The following CCDC32 variants were observed in gnomAD, a reference collection of about 807,000 sequenced individuals.
CCDC32 encodes coiled-coil domain-containing protein 32.
CCDC32 carries 9 observed loss-of-function variants against 20.1 expected under a neutral mutation model. That is an observed-to-expected ratio of 0.45 (90% CI 0.27 to 0.78). The LOEUF is 0.78. Among genes scored for constraint, CCDC32 ranks in the 30% least tolerant of loss-of-function variants. CCDC32 has a pLI of 0.16. For missense variants in CCDC32, 204 were observed against 215.5 expected, an observed-to-expected ratio of 0.95 and a Z score of 0.33; for synonymous variants, 63 against 79.0, an observed-to-expected ratio of 0.80 and a Z score of 1.07.
At chr15:40,560,972 A>G (rs957259672) in intron 2 of CCDC32, among the ~76,000 whole-genome samples, 11 of 152,244 alleles carry the variant, frequency 7.2e-5, no homozygotes, top group African/African-American at 2.7e-4. Context: ...GTGCCCATCG[A>G]GCAATGAGTA....
chr15:40,524,739 C>CTTTTTTTTTTT (rs758786719), downstream of CCDC32, among the ~76,000 whole-genome samples: 48 of 95,192 alleles, frequency 5.0e-4, 3 homozygotes, highest in African/African-American at 1.4e-3. Flanking sequence ...CTTTTTCTTT[C>CTTTTTTTTTTT]TTTTTTTTTT....
chr15:40,553,123 G>A lies in CCDC32; in HGVS notation c.*848C>T. 1.0e-6 allele frequency: 1 copy of A among 985,376 alleles called. No individual in the cohort carries two copies. Among genetic ancestry groups the A allele is most frequent in the East Asian group, 1.1e-4 (1 of 8,814 alleles). The allele number at this position is 985,376 out of a possible 1,614,324, so 61.0% of individuals were successfully genotyped here. A position where few individuals can be genotyped will look rare whatever the true frequency, so the allele number is the denominator to read the frequency against. On this transcript the variant is annotated 3_prime_UTR_variant, in exon 4 of 4. Transcript: ENST00000416810. The stretch of plus-strand genomic sequence containing the variant: ...ATTCCGTTGAGAAAAGTTTTATATG[G>A]AAACACATACTGATCATGAACACAA...
At chr15:40,540,206 G>C (rs1045803264) in intron 3 of CCDC32, among the ~76,000 whole-genome samples, 1 of 152,148 alleles carries the variant, frequency 6.6e-6, no homozygotes, top group Non-Finnish European at 1.5e-5. Context: ...TAACAGGAGG[G>C]CTGGGCCAAC....
At chr15:40,546,193 CT>C (rs527377715) in intron 3 of CCDC32, among the ~76,000 whole-genome samples, 7,212 of 141,578 alleles carry the variant, frequency 0.051, 354 homozygotes, top group African/African-American at 0.13. Flanking sequence ...TTTTTCTTTC[CT>C]TTTTTTTTTT....
intron 3 of CCDC32, among the ~76,000 whole-genome samples, chr15:40,540,288 T>C (rs1889331533): frequency 6.6e-6 from 1 of 152,156 alleles, no homozygotes; most frequent in African/African-American, 2.4e-5. Flanking sequence ...ATCTTTGAAG[T>C]GTCTCCAAGG....
At chr15:40,521,579 G>A in the CCDC32 span, among the ~76,000 whole-genome samples, 1 of 152,138 alleles carries the variant, frequency 6.6e-6, no homozygotes, top group African/African-American at 2.4e-5. Context: ...TTCCAAAGTG[G>A]ATGCACCACT....
At chr15:40,559,779 A>G (rs1284003166) in intron 2 of CCDC32, among the ~76,000 whole-genome samples, 3 of 152,214 alleles carry the variant, frequency 2.0e-5, no homozygotes, top group Admixed American at 6.5e-5. Context: ...TCCTCAAAAA[A>G]TTATTCCCAG....
At chr15:40,532,184 A>G (rs1271468669), downstream of CCDC32, 3 of 637,488 alleles carry the variant, frequency 4.7e-6, no homozygotes, top group African/African-American at 1.8e-5. Flanking sequence ...TATTATACAC[A>G]GGATCTGGTC....
Position 40,553,905 on chromosome 15 carries a change from CGTGTGTGT to C in CCDC32, c.*58_*65del, listed in dbSNP as rs60438611. ...CTCTGGACCCGAGACAGCTGCTCGG[CGTGTGTGT>C]GTGTGTGTGTGTGTGTGTGTGTGTG... On this transcript the variant is annotated 3_prime_UTR_variant, in exon 4 of 4. Coordinates refer to ENST00000416810, the MANE Select transcript of CCDC32 (RefSeq NM_001080792.4). 8,082 of 1,425,734 alleles carry C rather than the reference CGTGTGTGT, an allele frequency of 5.7e-3. 108 individuals are homozygous for C. Among genetic ancestry groups the C allele is most frequent in the East Asian group, 0.039 (1,163 of 29,946 alleles). 88.3% of individuals were successfully genotyped at this position (1,425,734 alleles called of 1,614,324 possible).
downstream of CCDC32, among the ~76,000 whole-genome samples, chr15:40,525,886 G>A (rs1280923049): frequency 6.6e-6 from 1 of 151,812 alleles, no homozygotes; most frequent in African/African-American, 2.4e-5. Context: ...ATACTTTGGT[G>A]TCTCTCCTTA....
At chr15:40,524,660 A>T (rs1894876139), downstream of CCDC32, among the ~76,000 whole-genome samples, 1 of 151,368 alleles carries the variant, frequency 6.6e-6, no homozygotes, top group South Asian at 2.1e-4. Context: ...GGAATGATGG[A>T]AAGGCTCTGT....
At chr15:40,524,138 T>TG (rs1894867262), downstream of CCDC32, among the ~76,000 whole-genome samples, 1 of 146,346 alleles carries the variant, frequency 6.8e-6, no homozygotes, top group Non-Finnish European at 1.5e-5. Context: ...ACACACAACA[T>TG]GCATAATCTT....
At chr15:40,523,961 T>C (rs1371962752), downstream of CCDC32, among the ~76,000 whole-genome samples, 2 of 152,022 alleles carry the variant, frequency 1.3e-5, no homozygotes, top group Non-Finnish European at 2.9e-5. Context: ...TAAAAGAAAA[T>C]GTATATTCAC....
downstream of CCDC32, among the ~76,000 whole-genome samples, chr15:40,549,633 C>T (rs1025095947): frequency 6.6e-6 from 1 of 152,216 alleles, no homozygotes; most frequent in Non-Finnish European, 1.5e-5. Context: ...CTTTATTTAA[C>T]ACCATGCACC....
At position 40,545,177 on chromosome 15, in the gene CCDC32, G is replaced by A. The variant is rs554643261; in HGVS notation, c.402-5822C>T. ...CCTGTCTGCCTTGATCAGGCACCAT[G>A]CTGAAGACCACACTGCACCTTGGCA... On this transcript the variant is annotated intron_variant, in intron 3 of 3. Transcript: ENST00000558113. 2.1e-4 allele frequency among the ~76,000 whole-genome samples: 32 copies of A among 152,288 alleles called. 1 individual carries two copies. Among genetic ancestry groups the A allele is most frequent in the African/African-American group, 7.2e-4 (30 of 41,534 alleles).
At chr15:40,539,287 C>A in exon 4 of CCDC32, 1 of 1,535,652 alleles carries the variant, frequency 6.5e-7, no homozygotes, top group Non-Finnish European at 8.7e-7. Flanking sequence ...CTGCTCAGCA[C>A]ACTGGTGGCT....
Position 40,557,276 on chromosome 15 carries a change from C to G in CCDC32, c.341G>C (p.Arg114Pro), listed in dbSNP as rs374675270. The G allele has an allele frequency of 6.2e-7, 1 of 1,614,194 alleles. No homozygotes were observed. The highest frequency in any genetic ancestry group is 1.7e-5 in the Admixed American group (1 of 60,014). The change falls in exon 3 of 4, where the codon CGG (arginine) becomes CCG (proline). Residue 114 changes from arginine to proline, a missense_variant. Physicochemically the swap from Arg to Pro is moderately radical, Grantham distance 103 (BLOSUM62 -2). Transcript: ENST00000416810. ...TGAAGCTAACTTCTCCTGGAGGAAC[C>G]GATCCCAGCATTCCTTCTTGGCTTG... is the stretch of plus-strand genomic sequence containing the variant. ...LAQAKKECWDRFLQEKLASEF... is the reference protein window; with the variant it reads ...LAQAKKECWDPFLQEKLASEF...
chr15:40,553,057 C>A (rs1390441175), downstream of CCDC32: 1 of 948,092 alleles, frequency 1.1e-6, no homozygotes, highest in East Asian at 1.2e-4. Context: ...TGGGAACATC[C>A]TTCCAGGAGC....
rs764929119 is a variant in CCDC32 at position 40,563,045 on chromosome 15, AAGTG to A, written c.-12-22_-12-19del. 1.1e-5 allele frequency: 18 copies of A among 1,609,400 alleles called. No individual in the cohort carries two copies. The highest frequency in any genetic ancestry group is 1.5e-5 in the Non-Finnish European group (18 of 1,178,488). ...AATCTGAGCTATAAAACAGAAGCTC[AAGTG>A]AGTAAGAACTGGCTTTAAGAATACA... is the stretch of plus-strand genomic sequence containing the variant. On this transcript the variant is annotated intron_variant, in intron 1 of 3. Transcript: ENST00000416810.
Sources: gnomAD v4.1 joint callset for allele counts (sites outside exome capture counted in the v4.1 genomes callset) on GRCh38, gnomAD v4.1.1 for gene constraint, MANE v1.5 for transcripts, NCBI Gene and HGNC (gene_info 2026-07-23, HGNC 2026-07-21) for gene names.